CRB2: variants seen among roughly 807,000 people sequenced by gnomAD.
The protein encoded by CRB2 is crumbs cell polarity complex component 2.
In CRB2, 85 loss-of-function variants were observed where a neutral mutation model predicts 110.9. The ratio of observed to expected loss-of-function variants is 0.77; its 90% CI spans 0.64 to 0.92. The LOEUF (loss-of-function observed/expected upper bound fraction) is 0.92, where lower values mean the gene tolerates loss of function less well. Among genes scored for constraint, CRB2 ranks in the 40% least tolerant of loss-of-function variants. CRB2 has a pLI of 0.00. For synonymous variants in CRB2, 907 were observed against 831.0 expected, an observed-to-expected ratio of 1.09 and a Z score of -1.57; for missense variants, 1,843 against 1,851.3, an observed-to-expected ratio of 1.00 and a Z score of 0.08.
chr9:123,354,128 C>T (rs1302352661), upstream of CRB2, among the ~76,000 whole-genome samples: 2 of 152,202 alleles, frequency 1.3e-5, no homozygotes, highest in Admixed American at 6.5e-5. Context: ...TGCTGTCCAG[C>T]GACTCCCTGG....
intron 12 of CRB2, among the ~76,000 whole-genome samples, 153 bp from the exon 13 acceptor site, chr9:123,376,685 C>T: frequency 6.6e-6 from 1 of 152,204 alleles, no homozygotes; most frequent in East Asian, 1.9e-4. Flanking sequence ...GCCTGCATAC[C>T]CCTGGGGCTG....
Position 123,371,228 on chromosome 9 carries a change from C to G in CRB2, c.2086C>G (p.Leu696Val). ...LQFANDSAAG[L>V]TVFLSEGRIR... ...GTTTGCCAATGACTCCGCAGCTGGC[C>G]TAACAGTATTCCTGAGTGAGGGTCG... The change falls in exon 8 of 13, where the codon CTA (leucine) becomes GTA (valine). Residue 696 changes from leucine to valine, a missense_variant. Coordinates refer to ENST00000373631, the MANE Select transcript of CRB2 (RefSeq NM_173689.7). The G allele has an allele frequency of 6.2e-7, 1 of 1,613,998 alleles. No homozygotes were observed. The highest frequency in any genetic ancestry group is 8.5e-7 in the Non-Finnish European group (1 of 1,180,032).
At chr9:123,357,841 C>G (rs945567304) in intron 1 of CRB2, among the ~76,000 whole-genome samples, 8 of 152,366 alleles carry the variant, frequency 5.3e-5, no homozygotes, top group African/African-American at 1.9e-4. Flanking sequence ...ACACACATGG[C>G]ATGTGCCTGC....
chr9:123,367,502 T>A, intron 5 of CRB2, 71 bp from the exon 6 acceptor site: 1 of 1,302,718 alleles, frequency 7.7e-7, no homozygotes, highest in Non-Finnish European at 1.0e-6. Context: ...TCTCTAGCTA[T>A]AGAATGGACC....
chr9:123,370,409 A>G lies in CRB2; in HGVS notation c.1356A>G (p.Ser452=). The part of the protein sequence containing the change: ...SVMAGSPIQA[S]VPAGGPLGLA... ...TGGCTGGGAGCCCCATTCAGGCATC[A>G]GTGCCAGCTGGTGGCCCCCTGGGTC... is the stretch of plus-strand genomic sequence containing the variant. Residue 452 remains serine, a synonymous_variant, in exon 7 of 13, where the codon TCA becomes TCG. Transcript: ENST00000373631. 1.2e-6 allele frequency: 2 copies of G among 1,613,640 alleles called. No homozygotes were observed. Among genetic ancestry groups the G allele is most frequent in the Non-Finnish European group, 1.7e-6 (2 of 1,180,028 alleles).
chr9:123,376,136 G>C (rs1254748903), intron 12 of CRB2, among the ~76,000 whole-genome samples: 1 of 152,186 alleles, frequency 6.6e-6, no homozygotes. Flanking sequence ...AATGTCCAAC[G>C]GTGGAGGCTG....
rs762210359 is a variant in CRB2 at position 123,370,667 on chromosome 9, G to A, written c.1614G>A (p.Glu538=). ...CCCTGGAGCTACGGCTCTGGCATGA[G>A]GGCTGCCCTGCCCGGCTCTGTGTGG... ...LATLELRLWH[E]GCPARLCVAS... The change falls in exon 7 of 13, where the codon GAG becomes GAA. Residue 538 remains glutamate, a synonymous_variant. Transcript: ENST00000373631. The A allele has an allele frequency of 1.2e-6, 2 of 1,607,140 alleles. No homozygotes were observed. Among genetic ancestry groups the A allele is most frequent in the East Asian group, 2.2e-5 (1 of 44,880 alleles).
rs755284585 is a variant in CRB2 at position 123,371,588 on chromosome 9, T to TGGTGGC, written c.2436+16_2436+21dup. ...CGAGGACATGTGCAGTGTAAGTGTC[T>TGGTGGC]GGTGGCGGTGGTGGTGGTGGGGTGG... is the stretch of plus-strand genomic sequence containing the variant. On this transcript the variant is annotated intron_variant, in intron 8 of 12. Transcript: ENST00000373631. 21 of 1,611,268 alleles carry TGGTGGC rather than the reference T, an allele frequency of 1.3e-5. No individual in the cohort carries two copies. The highest frequency in any genetic ancestry group is 6.7e-5 in the East Asian group (3 of 44,890).
At position 123,372,201 on chromosome 9, in the gene CRB2, A is replaced by G. The variant is rs1462474909; in HGVS notation, c.2461A>G (p.Thr821Ala). 1.9e-6 allele frequency: 3 copies of G among 1,613,990 alleles called. No individual in the cohort carries two copies. The highest frequency in any genetic ancestry group is 2.2e-5 in the South Asian group (2 of 91,072). The change falls in exon 9 of 13, where the codon ACT becomes GCT. Residue 821 changes from threonine (T) to alanine (A), a missense_variant. Transcript: ENST00000373631. ...CSPDPCFNGG[T>A]CLVTWNDFHC... ...GCCTGACCCCTGTTTCAATGGTGGG[A>G]CTTGCCTCGTCACCTGGAATGACTT...
At chr9:123,358,516 C>A (rs1756781627) in intron 1 of CRB2, among the ~76,000 whole-genome samples, 1 of 152,226 alleles carries the variant, frequency 6.6e-6, no homozygotes, top group Admixed American at 6.5e-5. Flanking sequence ...ATGTCAGGAT[C>A]CTTTGGACAG....
intron 1 of CRB2, among the ~76,000 whole-genome samples, chr9:123,357,667 C>A (rs560708874): frequency 1.3e-5 from 2 of 152,250 alleles, no homozygotes; most frequent in South Asian, 4.1e-4. Flanking sequence ...TCTCTGCATA[C>A]AAAGCACGTG....
upstream of CRB2, among the ~76,000 whole-genome samples, chr9:123,355,369 C>T (rs1371449384): frequency 1.3e-5 from 2 of 151,970 alleles, no homozygotes; most frequent in African/African-American, 4.8e-5. Context: ...GAATGGGCTG[C>T]TTTGGATTGC....
chr9:123,373,521 AG>A lies in CRB2; in HGVS notation c.2993del (p.Gly998AlafsTer143). Reference sequence around the variant, plus strand: ...CTGGCCAGTGACCTGGGCTTCCTGCAGGGCCCGGGTGCTGTGCGCATCCTGC... The same window carrying A: ...CTGGCCAGTGACCTGGGCTTCCTGCAGGCCCGGGTGCTGTGCGCATCCTGC... ...RGLASDLGFL[Q>X]GPGAVRILLA... On this transcript the variant is annotated frameshift_variant, in exon 10 of 13. Coordinates refer to ENST00000373631, the MANE Select transcript of CRB2 (RefSeq NM_173689.7). LOFTEE classifies it high-confidence loss of function. The A allele has an allele frequency of 1.4e-6, 2 of 1,479,006 alleles. No individual in the cohort carries two copies. The highest frequency in any genetic ancestry group is 2.3e-5 in the Admixed American group (1 of 42,702). 91.6% of individuals were successfully genotyped at this position (1,479,006 alleles called of 1,614,324 possible). A position where few individuals can be genotyped will look rare whatever the true frequency, so the allele number is the denominator to read the frequency against.
chr9:123,369,994 T>A (rs529932795), intron 6 of CRB2, 114 bp from the exon 7 acceptor site: 21 of 1,240,778 alleles, frequency 1.7e-5, no homozygotes, highest in Non-Finnish European at 2.3e-5. Context: ...CCTCTGGGAA[T>A]TGGTTTGGCT....
In CRB2 at chr9:123,362,907, C is replaced by T. The variant is rs73571404; in HGVS notation, c.137C>T (p.Pro46Leu). The T allele has an allele frequency of 1.5e-3, 2,324 of 1,597,642 alleles. 20 individuals are homozygous for T. In the African/African-American group the frequency reaches 0.02, roughly 14 times the overall value. The change falls in exon 2 of 13, where the codon CCG becomes CTG. Residue 46 changes from proline (P) to leucine (L), a missense_variant. Coordinates refer to ENST00000373631, the MANE Select transcript of CRB2 (RefSeq NM_173689.7). ...CCCCCCAGTGCCTGTGCCTCAGACCCGTGCGCTCCAGGGACCGAGTGCCAG... is the reference window on the plus strand; with the variant it reads ...CCCCCCAGTGCCTGTGCCTCAGACCTGTGCGCTCCAGGGACCGAGTGCCAG... ...SEPPSACASD[P>L]CAPGTECQAT...
intron 1 of CRB2, 83 bp from the exon 2 acceptor site, chr9:123,362,782 C>A: frequency 1.4e-6 from 2 of 1,385,142 alleles, no homozygotes; most frequent in Admixed American, 2.2e-5. Context: ...CTTTTGGGGT[C>A]TGGGGTGGGC....
intron 1 of CRB2, among the ~76,000 whole-genome samples, chr9:123,359,153 T>G (rs1269446756): frequency 5.3e-5 from 8 of 152,142 alleles, no homozygotes; most frequent in Non-Finnish European, 1.0e-4. Flanking sequence ...TAAACATTTT[T>G]GAAAAAGAGT....
Position 123,366,037 on chromosome 9 carries a change from G to C in CRB2, c.539G>C (p.Arg180Pro), listed in dbSNP as rs761229358. 1 of 1,586,240 alleles carries C rather than the reference G, an allele frequency of 6.3e-7. No homozygotes were observed. Among genetic ancestry groups the C allele is most frequent in the South Asian group, 1.1e-5 (1 of 89,258 alleles). The change falls in exon 3 of 13, where the codon CGT becomes CCT. Residue 180 changes from arginine to proline, a missense_variant. Arg to Pro is a moderately radical substitution (Grantham distance 103). Transcript: ENST00000373631. ...TGCGCGCCAGGCTACGGGGGCACCCGTTGCCAGCTGGACCTCGACGAGTGC... is the reference window on the plus strand; with the variant it reads ...TGCGCGCCAGGCTACGGGGGCACCCCTTGCCAGCTGGACCTCGACGAGTGC... ...CVCAPGYGGTRCQLDLDECQS... is the reference protein window; with the variant it reads ...CVCAPGYGGTPCQLDLDECQS...
intron 4 of CRB2, 46 bp downstream of exon 4, chr9:123,366,412 T>C (rs1417047641): frequency 6.7e-7 from 1 of 1,503,186 alleles, no homozygotes; most frequent in South Asian, 1.3e-5. Flanking sequence ...GGGGTAGGTG[T>C]GCGCCTGTGC....
Sources: allele counts gnomAD v4.1 joint callset (sites outside exome capture counted in the v4.1 genomes callset), GRCh38; gene constraint gnomAD v4.1.1; transcripts MANE v1.5; gene names NCBI Gene and HGNC (gene_info 2026-07-23, HGNC 2026-07-21).